NRXN1: variants seen among roughly 807,000 people sequenced by gnomAD.
The protein encoded by NRXN1 is neurexin-1.
In NRXN1, 39 loss-of-function variants were observed where a neutral mutation model predicts 150.9. The ratio of observed to expected loss-of-function variants is 0.26; its 90% CI spans 0.20 to 0.34. NRXN1 has a LOEUF of 0.34. Ranked by LOEUF, NRXN1 falls within the 10% of genes least tolerant of loss-of-function variation. The probability of loss-of-function intolerance (pLI) is 1.00; values close to 1 mark genes in which losing one functional copy is unlikely to be tolerated. For synonymous variants in NRXN1, 924 were observed against 757.0 expected (o/e 1.22, Z -3.62); for missense variants, 1,815 against 1,949.9 (o/e 0.93, Z 1.30).
In NRXN1 at chr2:50,346,895, C is replaced by T. The variant is rs1558570812; in HGVS notation, c.3365-109925G>A. On this transcript the variant is annotated intron_variant, in intron 17 of 22. Transcript: ENST00000401669. The surrounding 1 kb of genome is among the most constrained non-coding windows in gnomAD (Gnocchi z 5.0). ...GCGCCGCCGCCGCCGCCGCCGCCGC[C>T]GCCGCCCCCGGGCGAGCCCAGCTCG... 1.5e-6 allele frequency: 2 copies of T among 1,305,000 alleles called. No individual in the cohort carries two copies. The highest frequency in any genetic ancestry group is 9.7e-7 in the Non-Finnish European group (1 of 1,029,034). 80.8% of individuals were successfully genotyped at this position (1,305,000 alleles called of 1,614,324 possible).
At chr2:50,746,013 G>T (rs1256100518) in intron 5 of NRXN1, among the ~76,000 whole-genome samples, 1 of 152,152 alleles carries the variant, frequency 6.6e-6, no homozygotes, top group African/African-American at 2.4e-5. Flanking sequence ...TCTGTGTTCA[G>T]ATCATAGCAG....
Position 50,524,516 on chromosome 2 carries a change from T to TAAATA in NRXN1, c.2374+4104_2374+4108dup, listed in dbSNP as rs1183046306. Among the ~76,000 whole-genome samples the TAAATA allele has an allele frequency of 1.1e-4, 12 of 106,584 alleles. No homozygotes were observed. In the South Asian group the frequency reaches 2.6e-3, roughly 23 times the overall value. The allele number at this position is 106,584 out of a possible 152,430, so 69.9% of individuals were successfully genotyped here. A position where few individuals can be genotyped will look rare whatever the true frequency, so the allele number is the denominator to read the frequency against. On this transcript the variant is annotated intron_variant, in intron 12 of 22. Transcript: ENST00000401669. Reference sequence around the variant, plus strand: ...ATAAATAAATAAATAAATAAATAAATAAATAAAATAAAATAAACGAAGTGT... The same window carrying TAAATA: ...ATAAATAAATAAATAAATAAATAAATAAATAAAATAAAATAAAATAAACGAAGTGT...
intron 12 of NRXN1, among the ~76,000 whole-genome samples, chr2:50,511,142 C>T (rs549927488): frequency 2.6e-5 from 4 of 152,022 alleles, no homozygotes; most frequent in African/African-American, 9.7e-5. Flanking sequence ...CTCACTGCAA[C>T]CTCTGCCTCC....
In NRXN1 at chr2:50,705,268, T is replaced by C. The variant is rs114828185; in HGVS notation, c.833-81653A>G. 6.6e-3 allele frequency among the ~76,000 whole-genome samples: 999 copies of C among 152,272 alleles called. 16 individuals are homozygous for C. Among genetic ancestry groups the C allele is most frequent in the African/African-American group, 0.022 (928 of 41,552 alleles). On this transcript the variant is annotated intron_variant, in intron 5 of 22. Transcript: ENST00000401669. The stretch of plus-strand genomic sequence containing the variant: ...CGAATGGGCTTAACTTCCAATTCTT[T>C]ATTCAATTGGTCCATATTTTATCAA...
chr2:50,352,378 A>G (rs1181433502), intron 17 of NRXN1, among the ~76,000 whole-genome samples: 1 of 152,062 alleles, frequency 6.6e-6, no homozygotes, highest in Non-Finnish European at 1.5e-5. Flanking sequence ...TTCTTTTCAT[A>G]TTTTCCTTAA....
intron 22 of NRXN1, among the ~76,000 whole-genome samples, chr2:49,943,118 T>C (rs1672294864): frequency 6.6e-6 from 1 of 152,180 alleles, no homozygotes. Flanking sequence ...CATCAGAAGA[T>C]GCAAACATAT....
intron 2 of NRXN1, among the ~76,000 whole-genome samples, chr2:50,995,361 G>T (rs540523314): frequency 6.6e-6 from 1 of 152,100 alleles, no homozygotes; most frequent in African/African-American, 2.4e-5. Context: ...ACTTTGTGAG[G>T]CCGAGGTGGG....
intron 5 of NRXN1, among the ~76,000 whole-genome samples, chr2:50,798,899 CTTGAG>C (rs1403746375): frequency 6.6e-6 from 1 of 152,136 alleles, no homozygotes; most frequent in African/African-American, 2.4e-5. Context: ...TACATAGGCA[CTTGAG>C]TTATTGGCAG....
chr2:50,133,138 A>T (rs928420384), intron 18 of NRXN1, among the ~76,000 whole-genome samples: 8 of 152,302 alleles, frequency 5.3e-5, no homozygotes, highest in African/African-American at 1.9e-4. Context: ...GAAGACAGCA[A>T]AAAATGCAGT....
At chr2:50,721,303 C>A (rs533533777) in intron 5 of NRXN1, among the ~76,000 whole-genome samples, 2 of 152,308 alleles carry the variant, frequency 1.3e-5, no homozygotes, top group East Asian at 3.9e-4. Context: ...AACACTCTTT[C>A]ATATGTCTGT....
intron 8 of NRXN1, among the ~76,000 whole-genome samples, chr2:50,591,680 G>T (rs1413898472): frequency 6.6e-6 from 1 of 152,188 alleles, no homozygotes; most frequent in Non-Finnish European, 1.5e-5. Flanking sequence ...CAAGGGGGCT[G>T]ACGACAGCGA....
rs573429768 is a variant in NRXN1 at position 49,920,046 on chromosome 2, C to G, written c.*1898G>C. 4 of 152,272 alleles carry G rather than the reference C, an allele frequency of 2.6e-5. No individual in the cohort carries two copies. The South Asian group carries it at 8.3e-4, about 32-fold the overall frequency. The allele number at this position is 152,272 out of a possible 1,614,324, so 9.4% of individuals were successfully genotyped here. ...CAACCAATTTTTCCTGAAACATCAA[C>G]TTGCAATGTAATAATGCATTTTTTG... On this transcript the variant is annotated 3_prime_UTR_variant, in exon 23 of 23. Coordinates refer to ENST00000401669, the MANE Select transcript of NRXN1 (RefSeq NM_001330078.2).
At chr2:50,351,893 T>C (rs2078438665) in intron 17 of NRXN1, among the ~76,000 whole-genome samples, 2 of 152,138 alleles carry the variant, frequency 1.3e-5, no homozygotes, top group Non-Finnish European at 2.9e-5. Flanking sequence ...GAGCTGGAAC[T>C]TCACCAAGCT....
At chr2:50,504,673 G>A (rs1423167552) in intron 13 of NRXN1, among the ~76,000 whole-genome samples, 2 of 152,078 alleles carry the variant, frequency 1.3e-5, no homozygotes, top group Admixed American at 1.3e-4. Flanking sequence ...CCAAAACACT[G>A]CCACAGAATT....
At chr2:50,228,658 C>T (rs1407526111) in intron 18 of NRXN1, among the ~76,000 whole-genome samples, 1 of 151,914 alleles carries the variant, frequency 6.6e-6, no homozygotes, top group African/African-American at 2.4e-5. Flanking sequence ...TGAAGATACC[C>T]TTTTTCATAG....
At chr2:50,191,369 C>T (rs962133242) in intron 18 of NRXN1, among the ~76,000 whole-genome samples, 8 of 152,018 alleles carry the variant, frequency 5.3e-5, no homozygotes, top group Non-Finnish European at 1.0e-4. Flanking sequence ...TCCTGTCTAG[C>T]TATAGTACAA....
chr2:50,118,269 G>A (rs1703347424), intron 18 of NRXN1, among the ~76,000 whole-genome samples: 1 of 152,154 alleles, frequency 6.6e-6, no homozygotes, highest in Non-Finnish European at 1.5e-5. Context: ...GGGCCTAAGA[G>A]TCTGCATTCC....
intron 17 of NRXN1, among the ~76,000 whole-genome samples, chr2:50,307,424 C>G (rs2074731064): frequency 6.6e-6 from 1 of 152,094 alleles, no homozygotes; most frequent in Non-Finnish European, 1.5e-5. Flanking sequence ...GCCTGAAAAG[C>G]AATTTAATTA....
chr2:51,031,120 C>A (rs1558624250), intron 1 of NRXN1, among the ~76,000 whole-genome samples: 4 of 151,880 alleles, frequency 2.6e-5, no homozygotes, highest in African/African-American at 9.7e-5. Flanking sequence ...TTGGAGGAAG[C>A]TCATTGTATG....
Sources: allele counts gnomAD v4.1 joint callset (sites outside exome capture counted in the v4.1 genomes callset), GRCh38; gene constraint gnomAD v4.1.1; non-coding constraint Gnocchi (gnomAD v3.1); transcripts MANE v1.5; gene names NCBI Gene and HGNC (gene_info 2026-07-23, HGNC 2026-07-21).